CDK8: variants seen among roughly 807,000 people sequenced by gnomAD.
CDK8 encodes the protein cyclin-dependent kinase 8.
A neutral mutation model predicts 71.5 loss-of-function variants in CDK8; 29 were observed. The observed-to-expected ratio is 0.41, with a 90% CI of 0.30 to 0.55. The LOEUF is 0.55. Among genes scored for constraint, CDK8 ranks in the 20% least tolerant of loss-of-function variants. The pLI, the probability that CDK8 is intolerant of heterozygous loss-of-function variation, is 0.37. For synonymous variants in CDK8, 161 were observed against 192.1 expected (o/e 0.84, Z 1.34); for missense variants, 288 against 572.6 (o/e 0.50, Z 5.07).
intron 6 of CDK8, among the ~76,000 whole-genome samples, 197 bp from the exon 7 acceptor site, chr13:26,393,170 T>C (rs1875830035): frequency 1.3e-5 from 2 of 152,240 alleles, no homozygotes; most frequent in African/African-American, 4.8e-5. Context: ...TATATACTTA[T>C]AATAATGTTT....
At chr13:26,398,403 A>G (rs2138070538) in intron 9 of CDK8, among the ~76,000 whole-genome samples, 1 of 152,184 alleles carries the variant, frequency 6.6e-6, no homozygotes, top group South Asian at 2.1e-4. Context: ...GTCTAGGATG[A>G]CTCTGCCTAC....
At chr13:26,258,750 A>AT in intron 1 of CDK8, among the ~76,000 whole-genome samples, 1 of 152,184 alleles carries the variant, frequency 6.6e-6, no homozygotes, top group African/African-American at 2.4e-5. Context: ...AAAATGTAAT[A>AT]TTTTTTGCAA....
At chr13:26,379,568 C>G (rs929728993) in intron 4 of CDK8, among the ~76,000 whole-genome samples, 1 of 152,034 alleles carries the variant, frequency 6.6e-6, no homozygotes, top group Admixed American at 6.5e-5. Context: ...GATCTGTGTC[C>G]CAGCTGCTGA....
intron 1 of CDK8, among the ~76,000 whole-genome samples, chr13:26,271,262 G>C (rs1872307787): frequency 6.6e-6 from 1 of 151,962 alleles, no homozygotes; most frequent in African/African-American, 2.4e-5. Flanking sequence ...TTAATGACAG[G>C]GATACTTTCT....
chr13:26,386,152 CCT>C (rs1390652765), intron 6 of CDK8, among the ~76,000 whole-genome samples: 1 of 152,170 alleles, frequency 6.6e-6, no homozygotes, highest in Non-Finnish European at 1.5e-5. Flanking sequence ...CCCCTACCAA[CCT>C]CTCAATCTAT....
chr13:26,385,647 G>A (rs1875440698), intron 6 of CDK8, among the ~76,000 whole-genome samples: 1 of 152,168 alleles, frequency 6.6e-6, no homozygotes, highest in African/African-American at 2.4e-5. Flanking sequence ...TGAGCTGGGA[G>A]GATCGCTTGA....
At chr13:26,364,833 C>T (rs1451236838) in intron 4 of CDK8, among the ~76,000 whole-genome samples, 2 of 152,040 alleles carry the variant, frequency 1.3e-5, no homozygotes, top group East Asian at 3.9e-4. Flanking sequence ...AAAAAGCAAG[C>T]GGAAAGGACC....
chr13:26,349,007 T>A, intron 2 of CDK8, 65 bp from the exon 3 acceptor site: 1 of 930,680 alleles, frequency 1.1e-6, no homozygotes, highest in Non-Finnish European at 1.8e-6. Context: ...GAATTACAAA[T>A]GGTGTGGGGT....
chr13:26,312,282 C>A (rs1156643513), intron 1 of CDK8, among the ~76,000 whole-genome samples: 4 of 152,216 alleles, frequency 2.6e-5, no homozygotes, highest in Middle Eastern at 3.2e-3. Flanking sequence ...AAGCTGGCCA[C>A]TTCAGCCAGC....
intron 6 of CDK8, 39 bp from the exon 7 acceptor site, chr13:26,393,328 C>T (rs2138062858): frequency 1.1e-5 from 15 of 1,310,670 alleles, no homozygotes; most frequent in South Asian, 9.3e-5. Context: ...TTTTCCTTGC[C>T]TATTTTTCTT....
At chr13:26,330,052 T>C (rs1251357588) in intron 1 of CDK8, among the ~76,000 whole-genome samples, 1 of 152,172 alleles carries the variant, frequency 6.6e-6, no homozygotes, top group Non-Finnish European at 1.5e-5. Context: ...TTTGTGTGTG[T>C]GCGTGCCCAA....
chr13:26,259,956 C>A (rs1340992580), intron 1 of CDK8, among the ~76,000 whole-genome samples: 2 of 152,064 alleles, frequency 1.3e-5, no homozygotes, highest in Non-Finnish European at 2.9e-5. Flanking sequence ...AGGTATATGG[C>A]AACACAGAGA....
chr13:26,403,978 A>T lies in CDK8; in HGVS notation c.1292A>T (p.Tyr431Phe). 1 of 1,613,322 alleles carries T rather than the reference A, an allele frequency of 6.2e-7. No homozygotes were observed. Among genetic ancestry groups the T allele is most frequent in the South Asian group, 1.1e-5 (1 of 91,072 alleles). Residue 431 changes from tyrosine to phenylalanine, a missense_variant, in exon 13 of 13, where the codon TAT becomes TTT. Transcript: ENST00000381527. ...DYQRSNPHAA[Y>F]PNPGPSTSQP... is the part of the protein sequence containing the mutation. Reference sequence around the variant, plus strand: ...CAGCGTTCCAATCCACATGCTGCCTATCCCAACCCTGGACCAAGCACATCA... The same window carrying T: ...CAGCGTTCCAATCCACATGCTGCCTTTCCCAACCCTGGACCAAGCACATCA...
At chr13:26,400,424 C>T (rs1257883720) in intron 9 of CDK8, 29 bp from the exon 10 acceptor site, 2 of 1,307,262 alleles carry the variant, frequency 1.5e-6, no homozygotes, top group Admixed American at 1.7e-5. Flanking sequence ...GAAGCAATAC[C>T]GTCATGTTTG....
intron 1 of CDK8, among the ~76,000 whole-genome samples, chr13:26,285,435 A>G (rs1361022936): frequency 6.6e-6 from 1 of 152,228 alleles, no homozygotes; most frequent in African/African-American, 2.4e-5. Flanking sequence ...TTGCAGAAAA[A>G]GCATTTAACA....
At position 26,273,085 on chromosome 13, in the gene CDK8, G is replaced by C. The variant is rs1449437509; in HGVS notation, c.128+18316G>C. Among the ~76,000 whole-genome samples the C allele has an allele frequency of 2.0e-5, 3 of 152,082 alleles. No homozygotes were observed. In the East Asian group the frequency reaches 5.8e-4, roughly 29 times the overall value. On this transcript the variant is annotated intron_variant, in intron 1 of 12. Transcript: ENST00000381527. ...AAAACTTCTATGTTTTTTCCTAAGA[G>C]TTTTATAGTTGTAACTCCTAGATTT...
chr13:26,401,356 T>G lies in CDK8; in HGVS notation c.1110+9T>G, dbSNP rs1644776335. The G allele has an allele frequency of 6.2e-7, 1 of 1,613,032 alleles. No individual in the cohort carries two copies. Among genetic ancestry groups the G allele is most frequent in the African/African-American group, 1.3e-5 (1 of 74,904 alleles). On this transcript the variant is annotated intron_variant, in intron 11 of 12. Coordinates refer to ENST00000381527, the MANE Select transcript of CDK8 (RefSeq NM_001260.3). This position sits in a 1 kb window ranked among gnomAD's most constrained non-coding sequence, Gnocchi z 4.5. ...ATGACAAAGGAGACAAAGTAAGTAT[T>G]AAAGTACTGTTAGCAGCTTCTTGTT... is the stretch of plus-strand genomic sequence containing the variant.
intron 1 of CDK8, among the ~76,000 whole-genome samples, chr13:26,290,438 A>T (rs1312404106): frequency 6.6e-6 from 1 of 152,196 alleles, no homozygotes; most frequent in Non-Finnish European, 1.5e-5. Context: ...AACTCACCTG[A>T]TTATAGTATG....
intron 4 of CDK8, among the ~76,000 whole-genome samples, chr13:26,354,833 A>G (rs1197567627): frequency 6.6e-6 from 1 of 152,128 alleles, no homozygotes; most frequent in African/African-American, 2.4e-5. Flanking sequence ...TTATTCATTA[A>G]ATTTTCATGG....
Sources: allele counts gnomAD v4.1 joint callset (sites outside exome capture counted in the v4.1 genomes callset), GRCh38; gene constraint gnomAD v4.1.1; non-coding constraint Gnocchi (gnomAD v3.1); transcripts MANE v1.5; gene names NCBI Gene and HGNC (gene_info 2026-07-23, HGNC 2026-07-21).